The following ELMOD3 variants were observed in gnomAD, a reference collection of about 807,000 sequenced individuals.
ELMOD3 encodes the protein ELMO domain containing 3.
In ELMOD3, 36 loss-of-function variants were observed where a neutral mutation model predicts 47.4. The ratio of observed to expected loss-of-function variants is 0.76; its 90% confidence interval spans 0.58 to 1.00. The LOEUF (loss-of-function observed/expected upper bound fraction) is 1.00. Ranked by LOEUF, ELMOD3 falls within the 50% of genes least tolerant of loss-of-function variation. The pLI is 0.00. For missense variants in ELMOD3, 404 were observed against 463.8 expected (o/e 0.87, Z 1.18); for synonymous variants, 149 against 183.5 (o/e 0.81, Z 1.52).
chr2:85,388,603 G>A (rs1163800442), intron 11 of ELMOD3, among the ~76,000 whole-genome samples: 1 of 152,160 alleles, frequency 6.6e-6, no homozygotes, highest in Non-Finnish European at 1.5e-5. Context: ...AAATCTCTGT[G>A]GAGCCAGAAG....
chr2:85,370,153 T>G (rs1220498813), intron 8 of ELMOD3, among the ~76,000 whole-genome samples: 1 of 152,092 alleles, frequency 6.6e-6, no homozygotes, highest in African/African-American at 2.4e-5. Flanking sequence ...GGGAGCTGAG[T>G]GATTCATGGC....
Position 85,374,850 on chromosome 2 carries a change from C to T in ELMOD3, c.608-2494C>T, listed in dbSNP as rs550231384. ...TTGCTGGCCGGGCGCGGTGGCTCAT[C>T]CTGTAATCCCAGCATTTTGGGAGGC... is the stretch of plus-strand genomic sequence containing the variant. On this transcript the variant is annotated intron_variant, in intron 10 of 13. Transcript: ENST00000409013. Among the ~76,000 whole-genome samples the T allele has an allele frequency of 1.1e-3, 165 of 149,924 alleles. 1 individual carries two copies. The highest frequency in any genetic ancestry group is 1.5e-3 in the Admixed American group (22 of 14,704).
intron 11 of ELMOD3, among the ~76,000 whole-genome samples, chr2:85,383,277 C>T (rs1685714229): frequency 6.6e-6 from 1 of 151,518 alleles, no homozygotes; most frequent in African/African-American, 2.4e-5. Context: ...TACAGGCGCC[C>T]ACCACCACGC....
chr2:85,381,869 G>A (rs780840722), intron 11 of ELMOD3, among the ~76,000 whole-genome samples: 5 of 152,104 alleles, frequency 3.3e-5, no homozygotes, highest in Non-Finnish European at 7.3e-5. Context: ...TGTAATCCCA[G>A]CACTTTGGGA....
intron 8 of ELMOD3, 118 bp downstream of exon 8, chr2:85,369,948 C>CAGGATCATGGGTGGCCT (rs1684674065): frequency 7.7e-7 from 1 of 1,306,920 alleles, no homozygotes; most frequent in Non-Finnish European, 1.0e-6. Flanking sequence ...TCTTGGTGCC[C>CAGGATCATGGGTGGCCT]AGGATCATGG....
chr2:85,363,090 T>G lies in ELMOD3; in HGVS notation c.130-7T>G, dbSNP rs752839595. The G allele has an allele frequency of 6.3e-7, 1 of 1,598,558 alleles. No individual in the cohort carries two copies. Among genetic ancestry groups the G allele is most frequent in the Non-Finnish European group, 8.6e-7 (1 of 1,166,268 alleles). On this transcript the variant is annotated splice_region_variant and splice_polypyrimidine_tract_variant and intron_variant, in intron 5 of 13. Transcript: ENST00000409013. The stretch of plus-strand genomic sequence containing the variant: ...ATCCTCAAGCTAAAGGTCAGCTGCC[T>G]CTACAGATCTCAGAGTTGAAGAACC...
chr2:85,389,930 G>A, intron 12 of ELMOD3, 103 bp downstream of exon 12: 4 of 1,208,324 alleles, frequency 3.3e-6, no homozygotes, highest in Non-Finnish European at 4.9e-6. Flanking sequence ...CTGGCTCCTG[G>A]AGGGCCTGGA....
At position 85,371,545 on chromosome 2, in the gene ELMOD3, A is replaced by G. The variant is rs1684790636; in HGVS notation, c.590A>G (p.Glu197Gly). The G allele has an allele frequency of 1.2e-6, 2 of 1,614,184 alleles. No individual in the cohort carries two copies. The highest frequency in any genetic ancestry group is 4.5e-5 in the East Asian group (2 of 44,882). The change falls in exon 10 of 14, where the codon GAG (glutamate) becomes GGG (glycine). Residue 197 changes from glutamate (E) to glycine (G), a missense_variant. By Grantham distance (98) the Glu-to-Gly change is moderately conservative. Transcript: ENST00000409013. ...TGTGCCCTTCATGGAAACCACTGGG[A>G]GGACCTGGGCTTTCAGGGTAAGAGG... ...FDCALHGNHW[E>G]DLGFQGANPA...
intron 9 of ELMOD3, 80 bp downstream of exon 9, chr2:85,371,289 A>G (rs1184455442): frequency 1.2e-6 from 2 of 1,611,218 alleles, no homozygotes; most frequent in Non-Finnish European, 1.7e-6. Flanking sequence ...TGTGAGGCTA[A>G]GCCAGGAATA....
At chr2:85,368,243 C>A in intron 6 of ELMOD3, 1 of 164,830 alleles carries the variant, frequency 6.1e-6, no homozygotes, top group Non-Finnish European at 1.3e-5. Flanking sequence ...TCTAGCAAAC[C>A]TGTGAGGAGA....
At chr2:85,375,061 C>T (rs549794651) in intron 10 of ELMOD3, among the ~76,000 whole-genome samples, 7 of 151,114 alleles carry the variant, frequency 4.6e-5, no homozygotes, top group South Asian at 2.1e-4. Context: ...CCAGCCTGGG[C>T]GACAGAGCGA....
intron 11 of ELMOD3, among the ~76,000 whole-genome samples, chr2:85,382,396 C>T (rs1685617304): frequency 6.6e-6 from 1 of 151,034 alleles, no homozygotes; most frequent in African/African-American, 2.4e-5. Context: ...CGAGATTGTG[C>T]CACTGCACTC....
At chr2:85,364,826 T>TATATA (rs1553417118) in intron 6 of ELMOD3, among the ~76,000 whole-genome samples, 343 of 54,456 alleles carry the variant, frequency 6.3e-3, no homozygotes, top group East Asian at 0.026. Context: ...TATATATATA[T>TATATA]TTTTTTTTTT....
rs766073287 is a variant in ELMOD3 at position 85,371,167 on chromosome 2, C to T, written c.442C>T (p.Arg148Cys). 9 of 1,614,270 alleles carry T rather than the reference C, an allele frequency of 5.6e-6. No homozygotes were observed. Among genetic ancestry groups the T allele is most frequent in the South Asian group, 2.2e-5 (2 of 91,088 alleles). The change falls in exon 9 of 14, where the codon CGC becomes TGC. Residue 148 changes from arginine (R) to cysteine (C), a missense_variant. By Grantham distance (180) the Arg-to-Cys change is radical (BLOSUM62 -3). Transcript: ENST00000409013. ...CTTCGGGCCTCCAAAGCTCCACCAGCGCCTTCGGGAAGAAAGGGACTTGGT... is the reference window on the plus strand; with the variant it reads ...CTTCGGGCCTCCAAAGCTCCACCAGTGCCTTCGGGAAGAAAGGGACTTGGT... ...YLFGPPKLHQRLREERDLVLT... is the reference protein window; with the variant it reads ...YLFGPPKLHQCLREERDLVLT...
At chr2:85,360,596 C>G (rs937527931) in intron 4 of ELMOD3, among the ~76,000 whole-genome samples, 1 of 152,130 alleles carries the variant, frequency 6.6e-6, no homozygotes, top group South Asian at 2.1e-4. Flanking sequence ...CTCAAGAGAT[C>G]CTCCTGCCTT....
chr2:85,365,939 C>T (rs2104542853), intron 6 of ELMOD3, among the ~76,000 whole-genome samples: 1 of 152,042 alleles, frequency 6.6e-6, no homozygotes, highest in African/African-American at 2.4e-5. Flanking sequence ...AGCATTGCAT[C>T]CTGCTGTTCT....
intron 8 of ELMOD3, 125 bp downstream of exon 8, chr2:85,369,955 A>C (rs1246880650): frequency 1.3e-5 from 16 of 1,234,812 alleles, no homozygotes; most frequent in Admixed American, 2.5e-5. Context: ...GCCCAGGATC[A>C]TGGGTGGCCT....
chr2:85,357,612 T>C (rs1480422370), intron 4 of ELMOD3: 1 of 164,112 alleles, frequency 6.1e-6, no homozygotes, highest in Non-Finnish European at 1.3e-5. Flanking sequence ...ATGTGATATG[T>C]CTTTGTATGA....
chr2:85,362,988 C>T, intron 5 of ELMOD3, 109 bp from the exon 6 acceptor site: 1 of 678,928 alleles, frequency 1.5e-6, no homozygotes, highest in Non-Finnish European at 2.7e-6. Context: ...CACACTAGGT[C>T]CTTTTGGCCT....
Sources: allele counts gnomAD v4.1 joint callset (sites outside exome capture counted in the v4.1 genomes callset), GRCh38; gene constraint gnomAD v4.1.1; transcripts MANE v1.5; gene names NCBI Gene and HGNC (gene_info 2026-07-23, HGNC 2026-07-21).